Variants in CRIM1 observed in about 807,000 individuals in gnomAD.
CRIM1 encodes cysteine rich transmembrane BMP regulator 1.
CRIM1 carries 32 observed loss-of-function variants against 116.4 expected under a neutral mutation model. That is an observed-to-expected ratio of 0.27 (90% CI 0.21 to 0.37). The LOEUF (loss-of-function observed/expected upper bound fraction) is 0.37. Among genes scored for constraint, CRIM1 ranks in the 10% least tolerant of loss-of-function variants. The pLI is 1.00. For synonymous variants in CRIM1, 590 were observed against 509.2 expected (o/e 1.16, Z -2.13); for missense variants, 1,331 against 1,354.8 (o/e 0.98, Z 0.28).
intron 8 of CRIM1, among the ~76,000 whole-genome samples, chr2:36,499,622 C>T (rs1260401789): frequency 6.6e-6 from 1 of 152,040 alleles, no homozygotes; most frequent in African/African-American, 2.4e-5. Flanking sequence ...TCCAGCCACC[C>T]AGAACGCTCT....
intron 2 of CRIM1, among the ~76,000 whole-genome samples, chr2:36,398,278 C>A (rs1672176983): frequency 3.3e-5 from 5 of 152,224 alleles, no homozygotes; most frequent in Middle Eastern, 3.4e-3. Context: ...CTACTCAGGC[C>A]CCCTTCCAGG....
At chr2:36,401,318 C>T (rs1248043320) in intron 2 of CRIM1, among the ~76,000 whole-genome samples, 58 of 152,202 alleles carry the variant, frequency 3.8e-4, no homozygotes, top group Admixed American at 3.8e-3. Flanking sequence ...GGATAACAGT[C>T]AGCCGTGGCT....
intron 2 of CRIM1, among the ~76,000 whole-genome samples, chr2:36,423,631 T>C (rs1379639151): frequency 6.6e-6 from 1 of 152,228 alleles, no homozygotes; most frequent in Non-Finnish European, 1.5e-5. Context: ...GGGTTGGTGC[T>C]ACCTGATTAT....
intron 14 of CRIM1, 51 bp downstream of exon 14, chr2:36,537,597 A>G: frequency 6.6e-7 from 1 of 1,509,194 alleles, no homozygotes. Context: ...TTGATTTAAG[A>G]TGAAATCGAA....
At chr2:36,370,597 G>A (rs1669879136) in intron 1 of CRIM1, among the ~76,000 whole-genome samples, 1 of 152,100 alleles carries the variant, frequency 6.6e-6, no homozygotes, top group Non-Finnish European at 1.5e-5. Context: ...AGCTATGTTT[G>A]GCACTGAAAA....
At chr2:36,440,116 A>G (rs754437204) in intron 2 of CRIM1, among the ~76,000 whole-genome samples, 1 of 152,220 alleles carries the variant, frequency 6.6e-6, no homozygotes. Flanking sequence ...TATGATATCA[A>G]GACCTGAGTG....
intron 4 of CRIM1, among the ~76,000 whole-genome samples, chr2:36,457,033 C>T (rs374729026): frequency 3.0e-4 from 46 of 152,268 alleles, no homozygotes; most frequent in South Asian, 1.0e-3. Context: ...GATAAGCTTC[C>T]GGAGCCACAT....
chr2:36,442,109 A>G (rs1675877623), intron 3 of CRIM1, among the ~76,000 whole-genome samples: 1 of 151,914 alleles, frequency 6.6e-6, no homozygotes, highest in African/African-American at 2.4e-5. Context: ...GCTTTATATT[A>G]TTTCTAACAT....
chr2:36,484,350 A>G (rs1679656966), intron 7 of CRIM1, among the ~76,000 whole-genome samples: 1 of 152,190 alleles, frequency 6.6e-6, no homozygotes, highest in Non-Finnish European at 1.5e-5. Flanking sequence ...TTTTTCAATA[A>G]TAGCAAGTAT....
At chr2:36,407,806 A>T (rs1672925008) in intron 2 of CRIM1, among the ~76,000 whole-genome samples, 1 of 152,180 alleles carries the variant, frequency 6.6e-6, no homozygotes. Flanking sequence ...ACATTAGGTT[A>T]CAAAAAGGAT....
intron 7 of CRIM1, among the ~76,000 whole-genome samples, chr2:36,498,258 G>C (rs1680741248): frequency 6.6e-6 from 1 of 152,146 alleles, no homozygotes; most frequent in South Asian, 2.1e-4. Flanking sequence ...CATTACAGCA[G>C]ATTTTGTGTT....
intron 4 of CRIM1, 88 bp downstream of exon 4, chr2:36,442,823 G>A: frequency 6.9e-7 from 1 of 1,452,688 alleles, no homozygotes. Context: ...GTTTTCCCAT[G>A]AGAAACCTAG....
intron 2 of CRIM1, among the ~76,000 whole-genome samples, chr2:36,418,774 A>C (rs1018570767): frequency 1.3e-5 from 2 of 152,150 alleles, no homozygotes; most frequent in Non-Finnish European, 1.5e-5. Flanking sequence ...TTGTGTCTTG[A>C]TCAAAAGTTT....
At position 36,464,239 on chromosome 2, in the gene CRIM1, C is replaced by T. The variant is rs1572794349; in HGVS notation, c.870-295C>T. 2.0e-5 allele frequency among the ~76,000 whole-genome samples: 3 copies of T among 152,272 alleles called. No homozygotes were observed. The South Asian group carries it at 6.2e-4, about 32-fold the overall frequency. On this transcript the variant is annotated intron_variant, in intron 4 of 16. Coordinates refer to ENST00000280527, the MANE Select transcript of CRIM1 (RefSeq NM_016441.3). The stretch of plus-strand genomic sequence containing the variant: ...AGTCAGCCAGAAAATGTTTGTTACG[C>T]TCAATACCAGTCTGGTTAAGTAAGA...
chr2:36,484,179 G>A (rs1171564583), intron 7 of CRIM1, among the ~76,000 whole-genome samples: 5 of 152,136 alleles, frequency 3.3e-5, no homozygotes, highest in African/African-American at 1.2e-4. Context: ...GTTTAACTGG[G>A]GCTTCCCAGA....
chr2:36,460,768 G>C (rs891856922), intron 4 of CRIM1, among the ~76,000 whole-genome samples: 1 of 152,158 alleles, frequency 6.6e-6, no homozygotes, highest in Non-Finnish European at 1.5e-5. Flanking sequence ...AGACATGATA[G>C]GTACTAGAAG....
At chr2:36,439,596 C>G (rs1398655430) in intron 2 of CRIM1, among the ~76,000 whole-genome samples, 1 of 152,142 alleles carries the variant, frequency 6.6e-6, no homozygotes, top group African/African-American at 2.4e-5. Flanking sequence ...GACACACAAG[C>G]CTGCGTCAGC....
chr2:36,357,023 C>T (rs575442387), intron 1 of CRIM1, among the ~76,000 whole-genome samples: 1 of 152,334 alleles, frequency 6.6e-6, no homozygotes, highest in South Asian at 2.1e-4. Context: ...CCGCCCTCCC[C>T]GCACTGGCGC....
intron 6 of CRIM1, among the ~76,000 whole-genome samples, chr2:36,477,913 A>G (rs77648960): frequency 0.046 from 7,054 of 152,234 alleles, 302 homozygotes; most frequent in African/African-American, 0.11. Flanking sequence ...GACTGTGTCT[A>G]TAGTGTTCTT....
Sources: gnomAD v4.1 joint callset for allele counts (sites outside exome capture counted in the v4.1 genomes callset) on GRCh38, gnomAD v4.1.1 for gene constraint, MANE v1.5 for transcripts, NCBI Gene and HGNC (gene_info 2026-07-23, HGNC 2026-07-21) for gene names.